Variants in NBAS observed in about 807,000 individuals in gnomAD.
NBAS encodes NBAS subunit of NRZ tethering complex, also known as NAG/BC035112 fusion.
In NBAS, 219 loss-of-function variants were observed where a neutral mutation model predicts 302.5. The observed-to-expected ratio is 0.72, with a 90% CI of 0.65 to 0.81. The LOEUF (loss-of-function observed/expected upper bound fraction) is 0.81. Ranked by LOEUF, NBAS falls within the 30% of genes least tolerant of loss-of-function variation. NBAS has a pLI of 0.00. For synonymous variants in NBAS, 1,118 were observed against 1,021.6 expected, an observed-to-expected ratio of 1.09 and a Z score of -1.80; for missense variants, 2,932 against 2,841.6, an observed-to-expected ratio of 1.03 and a Z score of -0.72.
chr2:15,055,338 C>T, the NBAS span, among the ~76,000 whole-genome samples: 2 of 152,210 alleles, frequency 1.3e-5, no homozygotes, highest in Admixed American at 1.3e-4. Flanking sequence ...AGAGAGAGTA[C>T]TTTGCAATAC....
chr2:15,006,192 G>T, the NBAS span, among the ~76,000 whole-genome samples: 2 of 151,800 alleles, frequency 1.3e-5, no homozygotes, highest in Admixed American at 6.6e-5. Context: ...TATTATAATA[G>T]AAAAAAAATC....
At chr2:15,404,267 C>T (rs1193749315) in intron 25 of NBAS, among the ~76,000 whole-genome samples, 5 of 152,058 alleles carry the variant, frequency 3.3e-5, no homozygotes, top group African/African-American at 9.7e-5. Context: ...CTAAACTAAG[C>T]AAGACAGGCT....
At chr2:14,833,725 G>T in the NBAS span, among the ~76,000 whole-genome samples, 1 of 151,764 alleles carries the variant, frequency 6.6e-6, no homozygotes, top group Non-Finnish European at 1.5e-5. Context: ...AGGAGACCTG[G>T]ATTCTAGTCC....
chr2:15,203,592 T>C (rs13015050), intron 48 of NBAS, among the ~76,000 whole-genome samples: 43,206 of 151,922 alleles, frequency 0.28, 7,504 homozygotes, highest in East Asian at 0.68. Context: ...TAAAATAGAA[T>C]GACAAGAACA....
In NBAS at chr2:15,280,423, A is replaced by G. The variant is rs112128662; in HGVS notation, c.5139-3322T>C. On this transcript the variant is annotated intron_variant, in intron 42 of 51. Transcript: ENST00000281513. ...AGAGGGGGAAGAGAGAATAAAGAGGATGGGGAAGGGCTGGAAGTGAAAATG... is the reference window on the plus strand; with the variant it reads ...AGAGGGGGAAGAGAGAATAAAGAGGGTGGGGAAGGGCTGGAAGTGAAAATG... Among the ~76,000 whole-genome samples, 595 of 152,006 alleles carry G rather than the reference A, an allele frequency of 3.9e-3. 12 individuals carry two copies. Among genetic ancestry groups the G allele is most frequent in the Middle Eastern group, 0.02 (6 of 294 alleles).
chr2:14,832,390 T>C, the NBAS span, among the ~76,000 whole-genome samples: 37 of 152,278 alleles, frequency 2.4e-4, no homozygotes, highest in African/African-American at 8.7e-4. Flanking sequence ...TGGGAAGAAG[T>C]AGAAGGTGAA....
chr2:15,554,149 A>C lies in NBAS; in HGVS notation c.210-11T>G, dbSNP rs1664529383. On this transcript the variant is annotated splice_polypyrimidine_tract_variant and intron_variant, in intron 3 of 51. Coordinates refer to ENST00000281513, the MANE Select transcript of NBAS (RefSeq NM_015909.4). Reference sequence around the variant, plus strand: ...AAAAAAGGTGCCGGGCTGAAATCACAACACATTAGTTAGCTTAAAATCTAA... The same window carrying C: ...AAAAAAGGTGCCGGGCTGAAATCACCACACATTAGTTAGCTTAAAATCTAA... 1 of 1,609,960 alleles carries C rather than the reference A, an allele frequency of 6.2e-7. No homozygotes were observed. The highest frequency in any genetic ancestry group is 1.3e-5 in the African/African-American group (1 of 74,786).
the NBAS span, among the ~76,000 whole-genome samples, chr2:15,145,992 A>G: frequency 6.6e-6 from 1 of 152,286 alleles, no homozygotes. Context: ...AAAAATATCT[A>G]TTGAGTATCT....
chr2:15,360,897 C>A (rs907137379), intron 32 of NBAS, among the ~76,000 whole-genome samples: 6 of 151,916 alleles, frequency 3.9e-5, no homozygotes, highest in Non-Finnish European at 7.4e-5. Context: ...TAACTTTTTT[C>A]TTTTATAAAC....
At chr2:15,538,636 T>C (rs1663638956) in intron 7 of NBAS, among the ~76,000 whole-genome samples, 2 of 152,154 alleles carry the variant, frequency 1.3e-5, no homozygotes, top group South Asian at 4.1e-4. Context: ...TGAAGGAGGA[T>C]AGAAACTAAA....
the NBAS span, among the ~76,000 whole-genome samples, chr2:14,838,653 C>A: frequency 6.6e-6 from 1 of 151,900 alleles, no homozygotes; most frequent in African/African-American, 2.4e-5. Context: ...CAGATGTTTA[C>A]AGAAATTTTT....
chr2:14,951,056 C>T, the NBAS span, among the ~76,000 whole-genome samples: 19 of 152,268 alleles, frequency 1.2e-4, no homozygotes, highest in Non-Finnish European at 2.2e-4. Context: ...TGAAAAAGAA[C>T]ACAGCATCTA....
At chr2:15,289,372 G>C (rs560338397) in intron 41 of NBAS, among the ~76,000 whole-genome samples, 1 of 152,278 alleles carries the variant, frequency 6.6e-6, no homozygotes, top group East Asian at 1.9e-4. Flanking sequence ...AAAGTGCTGG[G>C]ATTACAGGTG....
At chr2:14,845,280 C>A in the NBAS span, among the ~76,000 whole-genome samples, 4 of 152,194 alleles carry the variant, frequency 2.6e-5, no homozygotes, top group African/African-American at 4.8e-5. Flanking sequence ...CAAAAGAATT[C>A]TTCTGCATCT....
At chr2:14,989,427 G>A in the NBAS span, among the ~76,000 whole-genome samples, 362 of 151,954 alleles carry the variant, frequency 2.4e-3, no homozygotes, top group Admixed American at 2.6e-3. Context: ...GCTTGGTGGC[G>A]CATGCCTATA....
the NBAS span, among the ~76,000 whole-genome samples, chr2:14,922,682 G>T: frequency 0.16 from 24,254 of 152,108 alleles, 1,967 homozygotes; most frequent in Middle Eastern, 0.2. Context: ...GTTACATTGG[G>T]GGTTAGGGCT....
At chr2:15,195,471 T>G (rs1313686000) in intron 48 of NBAS, among the ~76,000 whole-genome samples, 3 of 152,024 alleles carry the variant, frequency 2.0e-5, no homozygotes, top group Non-Finnish European at 4.4e-5. Context: ...ATGGGGTGGA[T>G]GTGATTATAA....
chr2:14,828,026 C>A, the NBAS span, among the ~76,000 whole-genome samples: 1 of 152,080 alleles, frequency 6.6e-6, no homozygotes, highest in Non-Finnish European at 1.5e-5. Context: ...ATGAAAAACA[C>A]AAAAACATAC....
rs570512377 is a variant in NBAS at position 15,276,784 on chromosome 2, G to A, written c.5389+67C>T. On this transcript the variant is annotated intron_variant, in intron 43 of 51. Transcript: ENST00000281513. ...AACCATAATGCATGAACAGGATTGTGTACAGAAAATTAATCCCCAGATTTA... is the reference window on the plus strand; with the variant it reads ...AACCATAATGCATGAACAGGATTGTATACAGAAAATTAATCCCCAGATTTA... The A allele has an allele frequency of 1.6e-4, 262 of 1,609,992 alleles. No individual in the cohort carries two copies. The African/African-American group carries it at 2.3e-3, about 14-fold the overall frequency.
Sources: gnomAD v4.1 joint callset for allele counts (sites outside exome capture counted in the v4.1 genomes callset) on GRCh38, gnomAD v4.1.1 for gene constraint, MANE v1.5 for transcripts, NCBI Gene and HGNC (gene_info 2026-07-23, HGNC 2026-07-21) for gene names.